MAGI3: variants seen among roughly 807,000 people sequenced by gnomAD.
MAGI3 encodes membrane associated guanylate kinase, WW and PDZ domain containing 3, also known as membrane-associated guanylate kinase, WW and PDZ domain-containing protein 3.
In MAGI3, 43 loss-of-function variants were observed where a neutral mutation model predicts 121.8. The ratio of observed to expected loss-of-function variants is 0.35; its 90% confidence interval spans 0.28 to 0.46. The LOEUF (loss-of-function observed/expected upper bound fraction) is 0.46, where lower values mean the gene tolerates loss of function less well. Ranked by LOEUF, MAGI3 falls within the 20% of genes least tolerant of loss-of-function variation. The pLI is 1.00. For missense variants in MAGI3, 1,547 were observed against 1,797.3 expected (o/e 0.86, Z 2.52); for synonymous variants, 553 against 639.3 (o/e 0.86, Z 2.04).
chr1:113,474,565 G>A (rs547458587), intron 1 of MAGI3, among the ~76,000 whole-genome samples: 5 of 152,262 alleles, frequency 3.3e-5, no homozygotes, highest in Admixed American at 6.5e-5. Context: ...TCAAAGATCC[G>A]ATGGTTGCGG....
At chr1:113,397,554 AG>A (rs1651182153) in intron 1 of MAGI3, among the ~76,000 whole-genome samples, 1 of 152,204 alleles carries the variant, frequency 6.6e-6, no homozygotes, top group South Asian at 2.1e-4. Context: ...TTTGTGTACA[AG>A]GGCACAAAAT....
intron 1 of MAGI3, among the ~76,000 whole-genome samples, chr1:113,472,120 A>G (rs970501202): frequency 3.3e-5 from 5 of 151,944 alleles, no homozygotes; most frequent in African/African-American, 1.2e-4. Flanking sequence ...ATTTGCTTGG[A>G]ATATCTTTTC....
At chr1:113,395,616 A>C (rs1442785748) in intron 1 of MAGI3, among the ~76,000 whole-genome samples, 2 of 151,884 alleles carry the variant, frequency 1.3e-5, no homozygotes, top group Non-Finnish European at 2.9e-5. Context: ...ATATCTCAGT[A>C]TGTATATATG....
At chr1:113,503,100 G>A (rs1318958431) in intron 1 of MAGI3, among the ~76,000 whole-genome samples, 3 of 98,926 alleles carry the variant, frequency 3.0e-5, no homozygotes, top group Non-Finnish European at 5.9e-5. Context: ...GGTAGCATTG[G>A]GAGATATACC....
intron 1 of MAGI3, among the ~76,000 whole-genome samples, chr1:113,490,924 A>T (rs939836602): frequency 1.3e-5 from 2 of 152,230 alleles, no homozygotes; most frequent in Admixed American, 1.3e-4. Flanking sequence ...ATTCCCACAC[A>T]ATAATAGTGG....
Position 113,653,925 on chromosome 1 carries a change from C to A in MAGI3, c.2536C>A (p.Pro846Thr). ...GGCAGAGGTCCCAGCCAGGCCTGCA[C>A]CCCAGGAGCCCTATGATGTTGTCTT... ...NRAEVPARPA[P>T]QEPYDVVLQR... Residue 846 changes from proline (P) to threonine (T), a missense_variant, in exon 15 of 21, where the codon CCC (proline) becomes ACC (threonine). By Grantham distance (38) the Pro-to-Thr change is conservative (BLOSUM62 -1). Coordinates refer to ENST00000307546, the MANE Select transcript of MAGI3 (RefSeq NM_001142782.2). 1 of 1,614,088 alleles carries A rather than the reference C, an allele frequency of 6.2e-7. No individual in the cohort carries two copies. The highest frequency in any genetic ancestry group is 8.5e-7 in the Non-Finnish European group (1 of 1,179,992).
chr1:113,442,850 G>C (rs978996900), intron 1 of MAGI3, among the ~76,000 whole-genome samples: 1 of 152,020 alleles, frequency 6.6e-6, no homozygotes, highest in African/African-American at 2.4e-5. Flanking sequence ...GTCTGATACA[G>C]TAGATAGTTT....
rs188649421 is a variant in MAGI3 at position 113,593,518 on chromosome 1, G to T, written c.939-963G>T. 4.3e-4 allele frequency among the ~76,000 whole-genome samples: 66 copies of T among 152,200 alleles called. No homozygotes were observed. The East Asian group carries it at 0.013, about 29-fold the overall frequency. On this transcript the variant is annotated intron_variant, in intron 5 of 20. Transcript: ENST00000307546. ...TGATCATGCCACTGCACTCCAACCT[G>T]TGCAACAGAGCAAGACTCTGTCTCA...
At chr1:113,558,017 A>T (rs1248959688) in intron 2 of MAGI3, among the ~76,000 whole-genome samples, 1 of 152,240 alleles carries the variant, frequency 6.6e-6, no homozygotes, top group Non-Finnish European at 1.5e-5. Flanking sequence ...AATAAACAGA[A>T]AACAGCAACG....
intron 18 of MAGI3, among the ~76,000 whole-genome samples, chr1:113,673,003 G>GT (rs1189607420): frequency 1.3e-5 from 2 of 152,136 alleles, no homozygotes; most frequent in African/African-American, 2.4e-5. Context: ...TCAAATTCAG[G>GT]TTTTTTTGTT....
chr1:113,489,168 G>C (rs1248604585), intron 1 of MAGI3, among the ~76,000 whole-genome samples: 1 of 144,414 alleles, frequency 6.9e-6, no homozygotes, highest in Non-Finnish European at 1.5e-5. Flanking sequence ...GAACACCTTA[G>C]GCCCCCCCCG....
chr1:113,539,379 G>C (rs912436293), intron 1 of MAGI3, among the ~76,000 whole-genome samples: 5 of 149,480 alleles, frequency 3.3e-5, no homozygotes, highest in African/African-American at 1.2e-4. Flanking sequence ...GTGACAGAGA[G>C]AGACTCCGTC....
rs144275809 is a variant in MAGI3 at position 113,591,396 on chromosome 1, C to G, written c.938+738C>G. Reference sequence around the variant, plus strand: ...AATGTAGTAAAGTTACAGAATATAACAATTAAATAACGGTTAAAATATTTG... The same window carrying G: ...AATGTAGTAAAGTTACAGAATATAAGAATTAAATAACGGTTAAAATATTTG... On this transcript the variant is annotated intron_variant, in intron 5 of 20. Coordinates refer to ENST00000307546, the MANE Select transcript of MAGI3 (RefSeq NM_001142782.2). 5.1e-3 allele frequency among the ~76,000 whole-genome samples: 775 copies of G among 152,116 alleles called. 5 individuals carry two copies. The highest frequency in any genetic ancestry group is 0.018 in the African/African-American group (748 of 41,508).
chr1:113,507,508 G>T (rs1300627675), intron 1 of MAGI3, among the ~76,000 whole-genome samples: 1 of 152,122 alleles, frequency 6.6e-6, no homozygotes, highest in African/African-American at 2.4e-5. Context: ...TTCCAAGTTT[G>T]AATATCCTGT....
chr1:113,681,569 AC>A (rs1397120734), intron 20 of MAGI3, among the ~76,000 whole-genome samples: 1 of 152,252 alleles, frequency 6.6e-6, no homozygotes, highest in Non-Finnish European at 1.5e-5. Flanking sequence ...ATCAGAAAAA[AC>A]ATATAGTTGT....
intron 1 of MAGI3, among the ~76,000 whole-genome samples, chr1:113,399,425 A>T (rs892809979): frequency 1.1e-4 from 17 of 152,122 alleles, no homozygotes; most frequent in African/African-American, 3.9e-4. Flanking sequence ...GATGCCGAGG[A>T]ATCAATACTA....
chr1:113,641,033 T>TATATAATATATATG (rs1652456551), intron 9 of MAGI3, among the ~76,000 whole-genome samples: 12 of 12,384 alleles, frequency 9.7e-4, no homozygotes, highest in African/African-American at 1.8e-3. Context: ...ATATATATGA[T>TATATAATATATATG]ATATATAATA....
At chr1:113,582,637 A>G (rs1217203) in intron 3 of MAGI3, among the ~76,000 whole-genome samples, 112,019 of 151,896 alleles carry the variant, frequency 0.74, 41,862 homozygotes, top group African/African-American at 0.78. Flanking sequence ...TAGTATTTAC[A>G]TGTTATAGAT....
rs180779945 is a variant in MAGI3, at chr1:113,418,743, A to C, written c.316+27394A>C. Among the ~76,000 whole-genome samples the C allele has an allele frequency of 3.1e-3, 467 of 152,230 alleles. 12 individuals carry two copies. The highest frequency in any genetic ancestry group is 0.02 in the Admixed American group (306 of 15,284). On this transcript the variant is annotated intron_variant, in intron 1 of 20. Transcript: ENST00000307546. ...CCTCAATAAATATATATTTGATTAG[A>C]GTATTTAGACACCTGTTTGCACTTA...
Sources: allele counts gnomAD v4.1 joint callset (sites outside exome capture counted in the v4.1 genomes callset), GRCh38; gene constraint gnomAD v4.1.1; transcripts MANE v1.5; gene names NCBI Gene and HGNC (gene_info 2026-07-23, HGNC 2026-07-21).